CCDC85A: variants seen among roughly 807,000 people sequenced by gnomAD.
CCDC85A encodes coiled-coil domain containing 85A, also known as coiled-coil domain-containing protein 85A.
A neutral mutation model predicts 50.2 loss-of-function variants in CCDC85A; 38 were observed. The ratio of observed to expected loss-of-function variants is 0.76; its 90% CI spans 0.58 to 0.99. The LOEUF (loss-of-function observed/expected upper bound fraction) is 0.99. Ranked by LOEUF, CCDC85A falls within the 50% of genes least tolerant of loss-of-function variation. CCDC85A has a pLI of 0.00. For synonymous variants in CCDC85A, 366 were observed against 301.4 expected (o/e 1.21, Z -2.22); for missense variants, 820 against 742.0 (o/e 1.11, Z -1.22).
At chr2:56,358,603 A>G (rs938533279) in intron 3 of CCDC85A, among the ~76,000 whole-genome samples, 1 of 152,204 alleles carries the variant, frequency 6.6e-6, no homozygotes, top group African/African-American at 2.4e-5. Flanking sequence ...GTGTGAGAAG[A>G]GCAGAAAACA....
rs1017292989 is a variant in CCDC85A at position 56,385,928 on chromosome 2, T to G, written c.*1573T>G. 2.6e-5 allele frequency: 4 copies of G among 152,200 alleles called. No homozygotes were observed. The South Asian group carries it at 8.3e-4, about 32-fold the overall frequency. 9.4% of individuals were successfully genotyped at this position (152,200 alleles called of 1,614,324 possible). ...GAAAATTGCTTGCTATATTTACACC[T>G]TCTTTCCTAGGAAAGCTTTCATCCT... On this transcript the variant is annotated 3_prime_UTR_variant, in exon 6 of 6. Coordinates refer to ENST00000407595, the MANE Select transcript of CCDC85A (RefSeq NM_001080433.2).
chr2:56,219,823 C>G (rs1668243640), intron 2 of CCDC85A, among the ~76,000 whole-genome samples: 1 of 151,884 alleles, frequency 6.6e-6, no homozygotes, highest in Non-Finnish European at 1.5e-5. Flanking sequence ...CATTATATAT[C>G]AGGCTTGCTG....
chr2:56,255,174 A>G (rs893264856), intron 2 of CCDC85A, among the ~76,000 whole-genome samples: 5 of 152,178 alleles, frequency 3.3e-5, no homozygotes, highest in African/African-American at 9.6e-5. Flanking sequence ...GACTGACCAC[A>G]TGGCCCCACT....
intron 2 of CCDC85A, among the ~76,000 whole-genome samples, chr2:56,196,907 T>C (rs1406715765): frequency 2.0e-5 from 3 of 150,792 alleles, no homozygotes; most frequent in Non-Finnish European, 4.4e-5. Context: ...AAAAAAGGAA[T>C]TGTTTAATTA....
intron 3 of CCDC85A, among the ~76,000 whole-genome samples, chr2:56,348,359 A>C (rs747857990): frequency 3.9e-5 from 6 of 152,190 alleles, no homozygotes; most frequent in Non-Finnish European, 5.9e-5. Context: ...ATACCTGCAC[A>C]TGGGCTGTGG....
chr2:56,330,256 G>T (rs1034411295), intron 2 of CCDC85A, among the ~76,000 whole-genome samples: 1 of 152,032 alleles, frequency 6.6e-6, no homozygotes, highest in African/African-American at 2.4e-5. Flanking sequence ...ATAGTCCCCA[G>T]TTCTGTCGCC....
intron 2 of CCDC85A, among the ~76,000 whole-genome samples, chr2:56,276,160 A>T (rs985139054): frequency 1.3e-5 from 2 of 152,026 alleles, no homozygotes; most frequent in Non-Finnish European, 2.9e-5. Flanking sequence ...AAACTCATTA[A>T]TTTTTTTCTT....
At chr2:56,345,661 G>A (rs1477787035) in intron 3 of CCDC85A, among the ~76,000 whole-genome samples, 1 of 152,156 alleles carries the variant, frequency 6.6e-6, no homozygotes, top group Non-Finnish European at 1.5e-5. Flanking sequence ...ACAATAAATG[G>A]ATGTCAGAAC....
chr2:56,339,876 T>G (rs1674270486), intron 2 of CCDC85A, among the ~76,000 whole-genome samples: 1 of 152,164 alleles, frequency 6.6e-6, no homozygotes, highest in Non-Finnish European at 1.5e-5. Flanking sequence ...AATCAATAAC[T>G]TTGCTATTCA....
intron 3 of CCDC85A, among the ~76,000 whole-genome samples, chr2:56,356,325 A>C (rs1165214359): frequency 6.6e-6 from 1 of 152,208 alleles, no homozygotes; most frequent in African/African-American, 2.4e-5. Context: ...TTTTGTTTGG[A>C]ACAAGCCCCG....
At chr2:56,322,342 C>A (rs968121337) in intron 2 of CCDC85A, among the ~76,000 whole-genome samples, 17 of 152,288 alleles carry the variant, frequency 1.1e-4, no homozygotes, top group African/African-American at 4.1e-4. Flanking sequence ...AAACCACCAT[C>A]AGAGTGAACA....
At chr2:56,296,172 A>T (rs1023335245) in intron 2 of CCDC85A, among the ~76,000 whole-genome samples, 3 of 151,986 alleles carry the variant, frequency 2.0e-5, no homozygotes, top group African/African-American at 4.8e-5. Flanking sequence ...CTCTTCCTCA[A>T]TATTTCCCAC....
chr2:56,382,367 A>G (rs565282989), intron 5 of CCDC85A, among the ~76,000 whole-genome samples: 1 of 151,980 alleles, frequency 6.6e-6, no homozygotes, highest in East Asian at 1.9e-4. Flanking sequence ...TATTGCTCCT[A>G]GAGATTAGAT....
At chr2:56,326,346 A>G (rs1483223930) in intron 2 of CCDC85A, among the ~76,000 whole-genome samples, 1 of 152,196 alleles carries the variant, frequency 6.6e-6, no homozygotes, top group East Asian at 1.9e-4. Flanking sequence ...TGCTTGATAC[A>G]TAATAAATCA....
At chr2:56,383,836 G>A in intron 5 of CCDC85A, 10 of 825,302 alleles carry the variant, frequency 1.2e-5, no homozygotes, top group Non-Finnish European at 1.5e-5. Flanking sequence ...TCTTGCCAAG[G>A]TGTTCTTAAT....
At chr2:56,290,306 T>C (rs78154970) in intron 2 of CCDC85A, among the ~76,000 whole-genome samples, 1 of 152,228 alleles carries the variant, frequency 6.6e-6, no homozygotes, top group African/African-American at 2.4e-5. Flanking sequence ...GAATCTCTAT[T>C]TTTTTCAGTC....
In CCDC85A at chr2:56,356,421, G is replaced by A. The variant is rs139846347; in HGVS notation, c.1317+13466G>A. ...GAAACTCACATGCTTTTGTTAGTAA[G>A]TTCTCTAAATGGTCAGATAGTTGGT... On this transcript the variant is annotated intron_variant, in intron 3 of 5. Transcript: ENST00000407595. Among the ~76,000 whole-genome samples the A allele has an allele frequency of 5.3e-5, 8 of 152,270 alleles. No homozygotes were observed. In the East Asian group the frequency reaches 1.5e-3, roughly 29 times the overall value.
chr2:56,375,946 G>T lies in CCDC85A; in HGVS notation c.1572+11G>T. On this transcript the variant is annotated intron_variant, in intron 5 of 5. Transcript: ENST00000407595. ...GTACATTCTCTTAAGGTAACCAATCGTGTGCAACCATTTATCCAGAGCTTC... is the reference window on the plus strand; with the variant it reads ...GTACATTCTCTTAAGGTAACCAATCTTGTGCAACCATTTATCCAGAGCTTC... 2 of 1,610,492 alleles carry T rather than the reference G, an allele frequency of 1.2e-6. No individual in the cohort carries two copies. The highest frequency in any genetic ancestry group is 1.7e-5 in the Admixed American group (1 of 59,682).
At chr2:56,267,868 G>A (rs921769274) in intron 2 of CCDC85A, among the ~76,000 whole-genome samples, 1 of 152,204 alleles carries the variant, frequency 6.6e-6, no homozygotes, top group East Asian at 1.9e-4. Context: ...AGAAACAGGT[G>A]AAATGGGTAG....
Sources: allele counts gnomAD v4.1 joint callset (sites outside exome capture counted in the v4.1 genomes callset), GRCh38; gene constraint gnomAD v4.1.1; transcripts MANE v1.5; gene names NCBI Gene and HGNC (gene_info 2026-07-23, HGNC 2026-07-21).